The following KIF20B variants were observed in gnomAD, a reference collection of about 807,000 sequenced individuals.
The protein encoded by KIF20B is kinesin-like protein KIF20B.
KIF20B carries 188 observed loss-of-function variants against 232.5 expected under a neutral mutation model. The observed-to-expected ratio is 0.81, with a 90% CI of 0.72 to 0.91. The LOEUF (loss-of-function observed/expected upper bound fraction) is 0.91, where lower values mean the gene tolerates loss of function less well. Among genes scored for constraint, KIF20B ranks in the 40% least tolerant of loss-of-function variants. KIF20B has a pLI of 0.00. For missense variants in KIF20B, 2,154 were observed against 2,055.9 expected, an observed-to-expected ratio of 1.05 and a Z score of -0.92; for synonymous variants, 712 against 683.0, an observed-to-expected ratio of 1.04 and a Z score of -0.66.
chr10:89,704,681 G>C (rs893133746), intron 1 of KIF20B, among the ~76,000 whole-genome samples: 1 of 151,796 alleles, frequency 6.6e-6, no homozygotes, highest in East Asian at 1.9e-4. Context: ...TCAGCCTCCC[G>C]AGTAGCTGGG....
intron 24 of KIF20B, among the ~76,000 whole-genome samples, chr10:89,752,202 GT>G (rs1282756646): frequency 2.0e-5 from 3 of 152,064 alleles, no homozygotes; most frequent in Admixed American, 6.5e-5. Flanking sequence ...GGATGAAATT[GT>G]GATGAGGATG....
chr10:89,744,411 TAA>T (rs1445308540), intron 22 of KIF20B, among the ~76,000 whole-genome samples: 5 of 152,208 alleles, frequency 3.3e-5, no homozygotes, highest in African/African-American at 4.8e-5. Context: ...TAAAGACAAG[TAA>T]AGACTGGTGA....
At chr10:89,751,926 G>A (rs1842029482) in intron 24 of KIF20B, among the ~76,000 whole-genome samples, 1 of 151,774 alleles carries the variant, frequency 6.6e-6, no homozygotes, top group Non-Finnish European at 1.5e-5. Context: ...TTGTAGAAAG[G>A]GCAAGAAATT....
At chr10:89,758,961 G>A (rs1460634872) in intron 27 of KIF20B, 79 bp downstream of exon 27, 3 of 931,296 alleles carry the variant, frequency 3.2e-6, no homozygotes, top group Non-Finnish European at 3.0e-6. Flanking sequence ...GAATAAAAAA[G>A]TGTAAGTCTC....
intron 18 of KIF20B, 105 bp from the exon 19 acceptor site, chr10:89,732,798 T>C: frequency 9.7e-7 from 1 of 1,030,614 alleles, no homozygotes; most frequent in Non-Finnish European, 1.3e-6. Context: ...CTCAACAAAT[T>C]TGAAAATAAA....
chr10:89,703,755 C>G (rs1589847699), intron 1 of KIF20B, among the ~76,000 whole-genome samples: 1 of 137,540 alleles, frequency 7.3e-6, no homozygotes, highest in Non-Finnish European at 1.6e-5. Flanking sequence ...AGGCTTTTCC[C>G]TTTTTTTTTT....
chr10:89,768,310 TAAG>T lies in KIF20B; in HGVS notation c.5016_5018del (p.Lys1672del), dbSNP rs1327642356. On this transcript the variant is annotated inframe_deletion, in exon 30 of 33. Coordinates refer to ENST00000371728, the MANE Select transcript of KIF20B (RefSeq NM_001284259.2). ...TTTAGGACTTGGTGAAATGTGAAAA[TAAG>T]AAGAATGCTACACCCAGAACTAATT... is the stretch of plus-strand genomic sequence containing the variant. 3.2e-6 allele frequency: 5 copies of T among 1,572,032 alleles called. No individual in the cohort carries two copies. Among genetic ancestry groups the T allele is most frequent in the South Asian group, 2.3e-5 (2 of 85,738 alleles).
At position 89,723,999 on chromosome 10, in the gene KIF20B, A is replaced by C. The variant is rs770872298; in HGVS notation, c.1758A>C (p.Lys586Asn). 3 of 1,579,572 alleles carry C rather than the reference A, an allele frequency of 1.9e-6. No individual in the cohort carries two copies. The highest frequency in any genetic ancestry group is 1.2e-5 in the South Asian group (1 of 83,468). Residue 586 changes from lysine to asparagine, a missense_variant, in exon 14 of 33, where the codon AAA (lysine) becomes AAC (asparagine). Transcript: ENST00000371728. ...ACTTAATAGAAGACTTGAAAAAAAA[A>C]CTGATAAATGAAAAAAAGGAAAAAT... ...LLDLIEDLKK[K>N]LINEKKEKLT... is the part of the protein sequence containing the mutation.
chr10:89,710,138 A>G, intron 5 of KIF20B, 73 bp downstream of exon 5: 2 of 1,332,094 alleles, frequency 1.5e-6, no homozygotes, highest in South Asian at 1.5e-5. Flanking sequence ...TATAATACAT[A>G]CATGTAGTTA....
At chr10:89,738,889 C>G in intron 20 of KIF20B, 69 bp from the exon 21 acceptor site, 2 of 1,461,920 alleles carry the variant, frequency 1.4e-6, no homozygotes, top group Non-Finnish European at 1.8e-6. Context: ...AAGATTGTTA[C>G]CATTTCACAT....
At chr10:89,708,971 C>CT (rs1463914099) in intron 2 of KIF20B, among the ~76,000 whole-genome samples, 196 bp from the exon 3 acceptor site, 1 of 151,944 alleles carries the variant, frequency 6.6e-6, no homozygotes, top group Non-Finnish European at 1.5e-5. Context: ...GAAATTGGAT[C>CT]TTTTTTGGTG....
At chr10:89,709,128 C>G (rs1842786368) in intron 2 of KIF20B, 39 bp from the exon 3 acceptor site, 2 of 1,427,158 alleles carry the variant, frequency 1.4e-6, no homozygotes, top group African/African-American at 1.4e-5. Flanking sequence ...AAAGCCGTAT[C>G]TTTCAAAAAC....
In KIF20B at chr10:89,760,383, G is replaced by A. The variant is rs148358139; in HGVS notation, c.4681-143G>A. 591 of 589,430 alleles carry A rather than the reference G, an allele frequency of 1.0e-3. 4 individuals are homozygous for A. In the East Asian group the frequency reaches 0.015, roughly 15 times the overall value. 36.5% of individuals were successfully genotyped at this position (589,430 alleles called of 1,614,324 possible). ...GGTTGAAAGAGAAATAGGAGGGCTA[G>A]GTGGTAATTAAAGGTGTCTTTACTT... is the stretch of plus-strand genomic sequence containing the variant. On this transcript the variant is annotated intron_variant, in intron 27 of 32. Coordinates refer to ENST00000371728, the MANE Select transcript of KIF20B (RefSeq NM_001284259.2).
rs368840310 is a variant in KIF20B at position 89,743,662 on chromosome 10, G to A, written c.3916-146G>A. 17 of 466,458 alleles carry A rather than the reference G, an allele frequency of 3.6e-5. 1 individual carries two copies. In the South Asian group the frequency reaches 7.1e-4, roughly 19 times the overall value. 28.9% of individuals were successfully genotyped at this position (466,458 alleles called of 1,614,324 possible). On this transcript the variant is annotated intron_variant, in intron 21 of 32. Coordinates refer to ENST00000371728, the MANE Select transcript of KIF20B (RefSeq NM_001284259.2). ...AATAATTTGAAGCTATAGTGTGTTT[G>A]ATTTGTAGTATATTAAAATCTGTCA...
Position 89,710,957 on chromosome 10 carries a change from G to A in KIF20B, c.491-4G>A, listed in dbSNP as rs1310955022. 5 of 1,600,254 alleles carry A rather than the reference G, an allele frequency of 3.1e-6. No individual in the cohort carries two copies. Among genetic ancestry groups the A allele is most frequent in the Admixed American group, 1.8e-5 (1 of 56,000 alleles). ...AGAGTATAACACAAAAATTCCTTTTGCAGGGACAGAAGAAAATATTGGCAT... is the reference window on the plus strand; with the variant it reads ...AGAGTATAACACAAAAATTCCTTTTACAGGGACAGAAGAAAATATTGGCAT... On this transcript the variant is annotated splice_region_variant and splice_polypyrimidine_tract_variant and intron_variant, in intron 5 of 32. Coordinates refer to ENST00000371728, the MANE Select transcript of KIF20B (RefSeq NM_001284259.2).
At position 89,774,814 on chromosome 10, in the gene KIF20B, C is replaced by G. The variant is rs758362725; in HGVS notation, c.*766C>G. 6.6e-6 allele frequency: 1 copy of G among 151,800 alleles called. No individual in the cohort carries two copies. The highest frequency in any genetic ancestry group is 1.5e-5 in the Non-Finnish European group (1 of 67,860). The allele number at this position is 151,800 out of a possible 1,614,324, so 9.4% of individuals were successfully genotyped here. A position where few individuals can be genotyped will look rare whatever the true frequency, so the allele number is the denominator to read the frequency against. On this transcript the variant is annotated 3_prime_UTR_variant, in exon 33 of 33. Coordinates refer to ENST00000371728, the MANE Select transcript of KIF20B (RefSeq NM_001284259.2). ...TTTGTTTTTGTACCCATTAACCATC[C>G]CCACCTCCCCCTGCAACCGTCAGTA... is the stretch of plus-strand genomic sequence containing the variant.
intron 15 of KIF20B, among the ~76,000 whole-genome samples, chr10:89,726,072 CA>C (rs1843181149): frequency 6.6e-6 from 1 of 152,120 alleles, no homozygotes; most frequent in Non-Finnish European, 1.5e-5. Context: ...CAGTTTGTAA[CA>C]TTGTTTTTAT....
In KIF20B at chr10:89,738,078, G is replaced by A; in HGVS notation, c.3237G>A (p.Glu1079=). The change falls in exon 20 of 33, where the codon GAG becomes GAA. Residue 1079 remains glutamate, a synonymous_variant. Coordinates refer to ENST00000371728, the MANE Select transcript of KIF20B (RefSeq NM_001284259.2). The part of the protein sequence containing the change: ...KASSKKSHQI[E]ELEQQIEKLQ... ...CTTCCAAAAAAAGTCATCAGATTGA[G>A]GAACTGGAACAACAAATTGAAAAAT... 5 of 1,613,010 alleles carry A rather than the reference G, an allele frequency of 3.1e-6. No individual in the cohort carries two copies. Among genetic ancestry groups the A allele is most frequent in the Non-Finnish European group, 4.2e-6 (5 of 1,179,634 alleles).
chr10:89,767,003 G>A (rs750380534), intron 29 of KIF20B, among the ~76,000 whole-genome samples: 46 of 150,710 alleles, frequency 3.1e-4, no homozygotes, highest in Non-Finnish European at 5.6e-4. Flanking sequence ...TTTTACTATT[G>A]GCATATATCC....
Sources: allele counts gnomAD v4.1 joint callset (sites outside exome capture counted in the v4.1 genomes callset), GRCh38; gene constraint gnomAD v4.1.1; transcripts MANE v1.5; gene names NCBI Gene and HGNC (gene_info 2026-07-23, HGNC 2026-07-21).